NUDCD3: variants seen among roughly 807,000 people sequenced by gnomAD.
NUDCD3 encodes the protein nudC domain-containing protein 3.
Under a neutral mutation model 39.7 loss-of-function variants are expected in NUDCD3, and 13 were observed. That is an observed-to-expected ratio of 0.33 (90% confidence interval 0.21 to 0.52). NUDCD3 has a LOEUF of 0.52. NUDCD3 is among the 20% of genes least tolerant of loss of function. The pLI is 0.96. For missense variants in NUDCD3, 453 were observed against 458.1 expected (o/e 0.99, Z 0.10); for synonymous variants, 175 against 172.4 (o/e 1.02, Z -0.12).
At chr7:44,469,390 T>C (rs1013042686) in intron 2 of NUDCD3, among the ~76,000 whole-genome samples, 2 of 152,200 alleles carry the variant, frequency 1.3e-5, no homozygotes, top group Non-Finnish European at 2.9e-5. Context: ...ACTAAATTTG[T>C]TATAATTTTG....
chr7:44,393,068 C>G (rs1798549514), intron 4 of NUDCD3, among the ~76,000 whole-genome samples: 1 of 152,154 alleles, frequency 6.6e-6, no homozygotes. Context: ...GGAGTCCTCA[C>G]CCCATGACAG....
At chr7:44,427,160 G>T (rs562627625) in intron 3 of NUDCD3, among the ~76,000 whole-genome samples, 33 of 152,172 alleles carry the variant, frequency 2.2e-4, no homozygotes, top group Admixed American at 3.9e-4. Flanking sequence ...GAAACTGAAG[G>T]CAGATTTAAT....
intron 2 of NUDCD3, among the ~76,000 whole-genome samples, chr7:44,431,970 C>T (rs1799372952): frequency 6.6e-6 from 1 of 152,122 alleles, no homozygotes; most frequent in South Asian, 2.1e-4. Context: ...CCGTGCCCAG[C>T]CTCCTTCCAT....
intron 2 of NUDCD3, among the ~76,000 whole-genome samples, chr7:44,457,025 G>GT (rs1235164271): frequency 6.7e-6 from 1 of 148,158 alleles, no homozygotes; most frequent in South Asian, 2.1e-4. Context: ...ATATAACCTG[G>GT]TTAAAAAAAA....
intron 2 of NUDCD3, among the ~76,000 whole-genome samples, chr7:44,452,878 C>T (rs1286412775): frequency 6.6e-6 from 1 of 152,204 alleles, no homozygotes; most frequent in African/African-American, 2.4e-5. Flanking sequence ...TGCTATTATG[C>T]TTTAAAAGTC....
intron 4 of NUDCD3, among the ~76,000 whole-genome samples, chr7:44,396,468 A>C (rs916529660): frequency 1.3e-5 from 2 of 152,216 alleles, no homozygotes; most frequent in African/African-American, 4.8e-5. Context: ...ATTCTAAACA[A>C]GGGCATTCTA....
chr7:44,454,598 GT>G (rs991797717), intron 2 of NUDCD3, among the ~76,000 whole-genome samples: 2 of 152,072 alleles, frequency 1.3e-5, no homozygotes, highest in Admixed American at 6.5e-5. Flanking sequence ...CCTTTCAACT[GT>G]TTTTCAGCTC....
At chr7:44,455,982 C>T (rs1383923678) in intron 2 of NUDCD3, among the ~76,000 whole-genome samples, 36 of 131,318 alleles carry the variant, frequency 2.7e-4, no homozygotes, top group African/African-American at 9.2e-4. Flanking sequence ...GCCGAGATCC[C>T]GCCACTGCAC....
At chr7:44,389,460 C>T (rs1040951171) in intron 5 of NUDCD3, among the ~76,000 whole-genome samples, 10 of 152,120 alleles carry the variant, frequency 6.6e-5, no homozygotes, top group South Asian at 2.1e-4. Context: ...GGGCGGATCA[C>T]GAGGTCAGGA....
chr7:44,403,130 C>G (rs1438017397), intron 4 of NUDCD3, among the ~76,000 whole-genome samples: 1 of 152,212 alleles, frequency 6.6e-6, no homozygotes, highest in African/African-American at 2.4e-5. Context: ...GAGAAGAGCA[C>G]TTCTCTGGTC....
intron 2 of NUDCD3, among the ~76,000 whole-genome samples, chr7:44,439,137 G>A (rs1346494891): frequency 6.6e-6 from 1 of 152,136 alleles, no homozygotes; most frequent in African/African-American, 2.4e-5. Flanking sequence ...CTGGGGGAAA[G>A]AAGGACATAC....
intron 3 of NUDCD3, chr7:44,426,348 A>C (rs1404131285): frequency 6.0e-6 from 1 of 166,094 alleles, no homozygotes; most frequent in East Asian, 1.9e-4. Context: ...GCTAAGCAGT[A>C]ACAGAGGCAC....
intron 2 of NUDCD3, among the ~76,000 whole-genome samples, chr7:44,450,391 T>C (rs971170926): frequency 8.6e-5 from 13 of 151,982 alleles, no homozygotes; most frequent in African/African-American, 3.1e-4. Flanking sequence ...TTGGCAAGAC[T>C]GGTCTCAAAC....
At chr7:44,468,346 C>A (rs1217956798) in intron 2 of NUDCD3, 1,069 of 414,122 alleles carry the variant, frequency 2.6e-3, no homozygotes, top group Non-Finnish European at 3.4e-3. Context: ...AATGTAAAAA[C>A]TGCAAAAAAA....
At chr7:44,479,432 T>G (rs1172942969) in intron 2 of NUDCD3, among the ~76,000 whole-genome samples, 1 of 152,188 alleles carries the variant, frequency 6.6e-6, no homozygotes, top group Non-Finnish European at 1.5e-5. Context: ...GCCCAGAAGT[T>G]CGAGTTCAGC....
At position 44,449,852 on chromosome 7, in the gene NUDCD3, TAAAA is replaced by T. The variant is rs58410314; in HGVS notation, c.510-22153_510-22150del. Among the ~76,000 whole-genome samples the T allele has an allele frequency of 1.0e-3, 104 of 100,872 alleles. 1 individual carries two copies. The highest frequency in any genetic ancestry group is 3.6e-3 in the African/African-American group (98 of 27,174). The allele number at this position is 100,872 out of a possible 152,430, so 66.2% of individuals were successfully genotyped here. On this transcript the variant is annotated intron_variant, in intron 2 of 5. Coordinates refer to ENST00000355451, the MANE Select transcript of NUDCD3 (RefSeq NM_015332.4). Reference sequence around the variant, plus strand: ...GATATGACACCAAAAACATGATCCATAAAAAAAAAAAAAAAAACTGATACACTGC... The same window carrying T: ...GATATGACACCAAAAACATGATCCATAAAAAAAAAAAAACTGATACACTGC...
intron 2 of NUDCD3, among the ~76,000 whole-genome samples, chr7:44,461,274 T>A (rs6949216): frequency 6.6e-6 from 1 of 152,170 alleles, no homozygotes; most frequent in African/African-American, 2.4e-5. Flanking sequence ...TCACATGGGA[T>A]TGCAACAGTT....
intron 3 of NUDCD3, among the ~76,000 whole-genome samples, chr7:44,406,318 A>T (rs1798820090): frequency 6.6e-6 from 1 of 152,222 alleles, no homozygotes; most frequent in Non-Finnish European, 1.5e-5. Flanking sequence ...AAGGGTATTT[A>T]CTTGGCTAGT....
At chr7:44,461,333 A>G (rs995607194) in intron 2 of NUDCD3, among the ~76,000 whole-genome samples, 1 of 152,202 alleles carries the variant, frequency 6.6e-6, no homozygotes, top group Non-Finnish European at 1.5e-5. Flanking sequence ...CTCCCACTCT[A>G]TATGTCTGAC....
Sources: allele counts gnomAD v4.1 joint callset (sites outside exome capture counted in the v4.1 genomes callset), GRCh38; gene constraint gnomAD v4.1.1; transcripts MANE v1.5; gene names NCBI Gene and HGNC (gene_info 2026-07-23, HGNC 2026-07-21).